The following ACOX3 variants were observed in gnomAD, a reference collection of about 807,000 sequenced individuals.
ACOX3 encodes acyl-CoA oxidase 3, pristanoyl, also known as peroxisomal acyl-coenzyme A oxidase 3.
In ACOX3, 73 loss-of-function variants were observed where a neutral mutation model predicts 81.5. The ratio of observed to expected loss-of-function variants is 0.90; its 90% CI spans 0.74 to 1.09. The LOEUF is 1.09. ACOX3 is among the 50% of genes least tolerant of loss of function. The pLI is 0.00. For missense variants in ACOX3, 947 were observed against 928.0 expected (o/e 1.02, Z -0.27); for synonymous variants, 387 against 375.1 (o/e 1.03, Z -0.37).
At position 8,373,581 on chromosome 4, in the gene ACOX3, C is replaced by T. The variant is rs200318338; in HGVS notation, c.1876G>A (p.Val626Ile). Residue 626 changes from valine to isoleucine, a missense_variant, in exon 16 of 18, where the codon GTC becomes ATC. Physicochemically the swap from Val to Ile is conservative, Grantham distance 29. Transcript: ENST00000356406. ...EQAGEVLESA[V>I]LALCSQLKDD... ...CTCACCTGGGAACACAAAGCCAGGA[C>T]GGCGCTCTCCAACACTTCTCCCGCC... 7.7e-5 allele frequency: 125 copies of T among 1,613,906 alleles called. No individual in the cohort carries two copies. Among genetic ancestry groups the T allele is most frequent in the African/African-American group, 3.7e-4 (28 of 75,020 alleles).
intron 13 of ACOX3, among the ~76,000 whole-genome samples, chr4:8,388,911 T>C (rs1718626039): frequency 6.6e-6 from 1 of 152,014 alleles, no homozygotes. Flanking sequence ...CTTTATCCTA[T>C]GGGAGGGAAA....
intron 14 of ACOX3, among the ~76,000 whole-genome samples, chr4:8,375,945 T>C (rs1490694236): frequency 6.6e-6 from 1 of 152,234 alleles, no homozygotes; most frequent in Admixed American, 6.5e-5. Flanking sequence ...TTTCACATTT[T>C]TGCTATTGTG....
Position 8,373,628 on chromosome 4 carries a change from C to T in ACOX3, c.1829G>A (p.Gly610Glu). 6.2e-7 allele frequency: 1 copy of T among 1,611,558 alleles called. No homozygotes were observed. Among genetic ancestry groups the T allele is most frequent in the Non-Finnish European group, 8.5e-7 (1 of 1,178,942 alleles). ...LSRHAALLYR[G>E]GYFSGEQAGE... ...CGCCTGCTCACCGGAGAAGTATCCT[C>T]CTGCAAGCACAGCCTCGGTCACATG... Residue 610 changes from glycine to glutamate, a missense_variant and splice_region_variant, in exon 16 of 18, where the codon GGA (glycine) becomes GAA (glutamate). Transcript: ENST00000356406.
Position 8,399,574 on chromosome 4 carries a change from G to C in ACOX3, c.855C>G (p.Thr285=), listed in dbSNP as rs367849362. ...CCTGTACCTTAAAGGGGCTGACATA[G>C]GTGCCCTCGGGGGTGACGTCTCCCA... ...NRMGDVTPEG[T]YVSPFKDVRQ... Residue 285 remains threonine (T), a synonymous_variant, in exon 8 of 18, where the codon ACC becomes ACG. Coordinates refer to ENST00000356406, the MANE Select transcript of ACOX3 (RefSeq NM_003501.3). The surrounding 1 kb of genome is among the most constrained non-coding windows in gnomAD (Gnocchi z 4.9). 1.7e-5 allele frequency: 28 copies of C among 1,614,016 alleles called. No homozygotes were observed. Among genetic ancestry groups the C allele is most frequent in the Middle Eastern group, 1.7e-4 (1 of 6,060 alleles).
Position 8,366,891 on chromosome 4 carries a change from A to C in ACOX3, c.*70T>G. 6.3e-7 allele frequency: 1 copy of C among 1,582,748 alleles called. No homozygotes were observed. The highest frequency in any genetic ancestry group is 8.6e-7 in the Non-Finnish European group (1 of 1,157,428). On this transcript the variant is annotated 3_prime_UTR_variant, in exon 18 of 18. Coordinates refer to ENST00000356406, the MANE Select transcript of ACOX3 (RefSeq NM_003501.3). ...GCAATCTCCGGCGTGTTCTGGAATC[A>C]GAAGTTGAGGTCCACGTCTGATTAG...
chr4:8,381,420 C>A lies in ACOX3; in HGVS notation c.1653+72G>T, dbSNP rs1717630977. ...GGCCTGAATTGCCAGGATGTTCAAA[C>A]TCCCAGGGACACAACGGCCAGGGAA... is the stretch of plus-strand genomic sequence containing the variant. On this transcript the variant is annotated intron_variant, in intron 14 of 17. Transcript: ENST00000356406. This position sits in a 1 kb window ranked among gnomAD's most constrained non-coding sequence, Gnocchi z 4.3. 7.0e-7 allele frequency: 1 copy of A among 1,420,084 alleles called. No individual in the cohort carries two copies. The highest frequency in any genetic ancestry group is 1.2e-5 in the South Asian group (1 of 81,072). The allele number at this position is 1,420,084 out of a possible 1,614,324, so 88.0% of individuals were successfully genotyped here.
chr4:8,440,428 C>G (rs1724548514), intron 1 of ACOX3, among the ~76,000 whole-genome samples: 1 of 152,198 alleles, frequency 6.6e-6, no homozygotes, highest in Non-Finnish European at 1.5e-5. Flanking sequence ...GGCTGTAATG[C>G]CAGCACTAAA....
chr4:8,363,696 T>C (rs192751704), downstream of ACOX3, among the ~76,000 whole-genome samples: 3 of 152,262 alleles, frequency 2.0e-5, no homozygotes, highest in East Asian at 5.8e-4. Context: ...CAGGATGAGA[T>C]GAGGTCGGCA....
chr4:8,416,029 T>C lies in ACOX3; in HGVS notation c.145-30A>G, dbSNP rs1471918064. 1.2e-6 allele frequency: 2 copies of C among 1,600,152 alleles called. No homozygotes were observed. The highest frequency in any genetic ancestry group is 2.7e-5 in the African/African-American group (2 of 74,568). On this transcript the variant is annotated intron_variant, in intron 2 of 17. Transcript: ENST00000356406. This position sits in a 1 kb window ranked among gnomAD's most constrained non-coding sequence, Gnocchi z 4.2. Reference sequence around the variant, plus strand: ...AAATGCAGGAGATGGGTAAGGCTTATTTGGAGTAAAAGATGGACTCTCCAT... The same window carrying C: ...AAATGCAGGAGATGGGTAAGGCTTACTTGGAGTAAAAGATGGACTCTCCAT...
intron 7 of ACOX3, among the ~76,000 whole-genome samples, chr4:8,402,450 C>G (rs1318179176): frequency 6.6e-6 from 1 of 152,208 alleles, no homozygotes; most frequent in Admixed American, 6.5e-5. Flanking sequence ...CGTGCTCCAG[C>G]CTGTTACTTG....
At chr4:8,408,790 C>A (rs1420641591) in intron 6 of ACOX3, among the ~76,000 whole-genome samples, 1 of 150,710 alleles carries the variant, frequency 6.6e-6, no homozygotes, top group Non-Finnish European at 1.5e-5. Context: ...GGATGAAGAC[C>A]AAGGTACAAT....
chr4:8,376,123 T>A (rs1716931588), intron 14 of ACOX3, among the ~76,000 whole-genome samples: 2 of 152,304 alleles, frequency 1.3e-5, no homozygotes, highest in Admixed American at 1.3e-4. Context: ...CGAATCTGCG[T>A]TCCCACCAAC....
At chr4:8,369,101 G>A (rs368006737) in intron 17 of ACOX3, among the ~76,000 whole-genome samples, 10 of 152,272 alleles carry the variant, frequency 6.6e-5, no homozygotes, top group South Asian at 4.1e-4. Flanking sequence ...TTCCTTGGTC[G>A]TTCCCTGCCT....
chr4:8,393,615 GCACACACACA>G (rs61109010), intron 10 of ACOX3, among the ~76,000 whole-genome samples: 34 of 140,580 alleles, frequency 2.4e-4, no homozygotes, highest in South Asian at 8.8e-4. Flanking sequence ...ACACACACAC[GCACACACACA>G]CACACACACA....
the ACOX3 span, among the ~76,000 whole-genome samples, chr4:8,360,521 G>A: frequency 4.0e-5 from 6 of 151,014 alleles, no homozygotes; most frequent in African/African-American, 1.5e-4. Context: ...GCCCAGGCTG[G>A]AGGGCAGTGG....
chr4:8,416,512 T>G lies in ACOX3; in HGVS notation c.10A>C (p.Thr4Pro). 6.2e-7 allele frequency: 1 copy of G among 1,607,294 alleles called. No homozygotes were observed. The highest frequency in any genetic ancestry group is 8.5e-7 in the Non-Finnish European group (1 of 1,176,054). ...AGAGCTGTGTCGCCTCCTTCCACAG[T>G]GGATGCCATCGCGTGATAAGAGCCT... The part of the protein sequence containing the change: MAS[T>P]VEGGDTALLP... Residue 4 changes from threonine (T) to proline (P), a missense_variant, in exon 2 of 18, where the codon ACT (threonine) becomes CCT (proline). Transcript: ENST00000356406. The surrounding 1 kb of genome is among the most constrained non-coding windows in gnomAD (Gnocchi z 4.2).
Position 8,419,864 on chromosome 4 carries a change from C to A in ACOX3, c.-14-3329G>T, listed in dbSNP as rs971832739. 6.6e-6 allele frequency among the ~76,000 whole-genome samples: 1 copy of A among 152,202 alleles called. No individual in the cohort carries two copies. The highest frequency in any genetic ancestry group is 1.5e-5 in the Non-Finnish European group (1 of 68,042). On this transcript the variant is annotated intron_variant, in intron 1 of 17. Transcript: ENST00000356406. This position sits in a 1 kb window ranked among gnomAD's most constrained non-coding sequence, Gnocchi z 4.2. The stretch of plus-strand genomic sequence containing the variant: ...CCCAAGGATTACTGGAATTACAAAC[C>A]CCAGTGTCATGTTGGAATTCCCCTC...
chr4:8,422,174 GAGAA>G (rs939963513), intron 1 of ACOX3, among the ~76,000 whole-genome samples: 5 of 152,128 alleles, frequency 3.3e-5, no homozygotes, highest in African/African-American at 9.6e-5. Flanking sequence ...AGAGAAGAGA[GAGAA>G]AGAAAGAGAG....
chr4:8,421,822 A>G (rs528903901), intron 1 of ACOX3, among the ~76,000 whole-genome samples: 6 of 152,216 alleles, frequency 3.9e-5, no homozygotes, highest in African/African-American at 1.2e-4. Flanking sequence ...CAGGGCCCCA[A>G]GTTTGTAAAT....
Sources: allele counts gnomAD v4.1 joint callset (sites outside exome capture counted in the v4.1 genomes callset), GRCh38; gene constraint gnomAD v4.1.1; non-coding constraint Gnocchi (gnomAD v3.1); transcripts MANE v1.5; gene names NCBI Gene and HGNC (gene_info 2026-07-23, HGNC 2026-07-21).